SOX5: variants seen among roughly 807,000 people sequenced by gnomAD.
SOX5 encodes SRY-box transcription factor 5.
SOX5 carries 9 observed loss-of-function variants against 92.0 expected under a neutral mutation model. The observed-to-expected ratio is 0.10, with a 90% CI of 0.06 to 0.17. The LOEUF (loss-of-function observed/expected upper bound fraction) is 0.17, where lower values mean the gene tolerates loss of function less well. Among genes scored for constraint, SOX5 ranks in the 10% least tolerant of loss-of-function variants. The probability of loss-of-function intolerance (pLI) is 1.00; values close to 1 mark genes in which losing one functional copy is unlikely to be tolerated. For synonymous variants in SOX5, 344 were observed against 336.3 expected (o/e 1.02, Z -0.25); for missense variants, 642 against 944.5 (o/e 0.68, Z 4.20).
chr12:23,929,673 T>C (rs908045363), intron 1 of SOX5, among the ~76,000 whole-genome samples: 3 of 152,042 alleles, frequency 2.0e-5, no homozygotes, highest in African/African-American at 7.2e-5. Context: ...ATAGCATACA[T>C]CAATATAATC....
At chr12:24,265,824 G>T (rs1487646913) in intron 3 of SOX5, among the ~76,000 whole-genome samples, 2 of 152,090 alleles carry the variant, frequency 1.3e-5, no homozygotes, top group African/African-American at 4.8e-5. Flanking sequence ...CTCTGGTGTG[G>T]TTTCTCATGT....
chr12:23,973,020 T>A (rs774361822), intron 4 of SOX5, among the ~76,000 whole-genome samples: 15 of 152,188 alleles, frequency 9.9e-5, no homozygotes, highest in Non-Finnish European at 1.6e-4. Flanking sequence ...ACTCTGTTTA[T>A]ATGAGATTGA....
intron 3 of SOX5, among the ~76,000 whole-genome samples, chr12:23,828,110 T>A (rs1161410880): frequency 2.6e-5 from 4 of 152,216 alleles, no homozygotes; most frequent in African/African-American, 7.2e-5. Flanking sequence ...GTACCTTTTT[T>A]ATGTGTAGAT....
chr12:23,946,720 G>T (rs1009399175), intron 1 of SOX5, among the ~76,000 whole-genome samples: 7 of 151,736 alleles, frequency 4.6e-5, no homozygotes, highest in East Asian at 3.9e-4. Context: ...TCCTTTAAAC[G>T]GTAAAATGTA....
intron 7 of SOX5, among the ~76,000 whole-genome samples, chr12:23,652,992 G>A (rs1410094983): frequency 7.6e-6 from 1 of 131,734 alleles, no homozygotes; most frequent in Non-Finnish European, 1.6e-5. Context: ...ATGGATGGAT[G>A]AATGAATATG....
At chr12:24,371,322 A>C (rs1234886476) in intron 1 of SOX5, among the ~76,000 whole-genome samples, 2 of 152,080 alleles carry the variant, frequency 1.3e-5, no homozygotes, top group African/African-American at 4.8e-5. Context: ...AAACAAGTAT[A>C]AGTTCGGAGA....
At chr12:24,469,841 A>G (rs765997670) in intron 1 of SOX5, among the ~76,000 whole-genome samples, 8 of 152,220 alleles carry the variant, frequency 5.3e-5, no homozygotes, top group Admixed American at 3.9e-4. Context: ...AGTTTCCTCA[A>G]ATGAGCTTGT....
At chr12:24,314,658 G>A (rs921982394) in intron 2 of SOX5, among the ~76,000 whole-genome samples, 63 of 152,002 alleles carry the variant, frequency 4.1e-4, no homozygotes, top group African/African-American at 7.0e-4. Flanking sequence ...TGCCCTATGC[G>A]GCCTAAATAA....
At chr12:23,970,841 A>ATATTTTT in intron 4 of SOX5, among the ~76,000 whole-genome samples, 2 of 21,878 alleles carry the variant, frequency 9.1e-5, no homozygotes, top group African/African-American at 2.5e-4. Flanking sequence ...TATATATATA[A>ATATTTTT]TTTTTTTTTT....
intron 8 of SOX5, among the ~76,000 whole-genome samples, chr12:23,612,377 G>C (rs1156984203): frequency 6.6e-6 from 1 of 151,980 alleles, no homozygotes; most frequent in African/African-American, 2.4e-5. Context: ...GTTTAAGTAG[G>C]CATAAGGAAA....
chr12:23,573,234 A>T (rs1948637094), intron 10 of SOX5, among the ~76,000 whole-genome samples: 1 of 152,120 alleles, frequency 6.6e-6, no homozygotes, highest in African/African-American at 2.4e-5. Flanking sequence ...TAGCCTTCTC[A>T]AACTATTATC....
chr12:24,115,938 A>T (rs1191232774), intron 4 of SOX5, among the ~76,000 whole-genome samples: 1 of 152,202 alleles, frequency 6.6e-6, no homozygotes, highest in Admixed American at 6.5e-5. Flanking sequence ...AAGCCAAAGA[A>T]AAGGATAGGG....
chr12:24,347,461 G>A (rs1396040330), intron 2 of SOX5, among the ~76,000 whole-genome samples: 3 of 151,654 alleles, frequency 2.0e-5, no homozygotes, highest in African/African-American at 7.3e-5. Flanking sequence ...TTTGTGATGA[G>A]AACACTTAAA....
chr12:23,940,792 T>G (rs966349597), intron 1 of SOX5, among the ~76,000 whole-genome samples: 3 of 128,978 alleles, frequency 2.3e-5, no homozygotes, highest in Non-Finnish European at 5.0e-5. Flanking sequence ...ACAAACTCAT[T>G]CATTTGATAG....
chr12:24,429,510 G>C (rs573048538), intron 1 of SOX5, among the ~76,000 whole-genome samples: 1 of 151,806 alleles, frequency 6.6e-6, no homozygotes, highest in South Asian at 2.1e-4. Context: ...GGATGGGGTG[G>C]GGGAAGAAGT....
chr12:23,648,699 AG>A (rs938324236), intron 7 of SOX5, among the ~76,000 whole-genome samples: 21 of 152,232 alleles, frequency 1.4e-4, no homozygotes, highest in African/African-American at 5.1e-4. Context: ...CAGCATACAG[AG>A]CTGTGAAAAA....
At chr12:24,049,730 A>G (rs926678050) in intron 4 of SOX5, among the ~76,000 whole-genome samples, 7 of 135,698 alleles carry the variant, frequency 5.2e-5, no homozygotes, top group Non-Finnish European at 9.1e-5. Context: ...TTTATGAAGG[A>G]CCAGTTCTCT....
intron 4 of SOX5, among the ~76,000 whole-genome samples, chr12:23,982,114 C>T (rs1166940913): frequency 1.3e-5 from 2 of 152,144 alleles, no homozygotes; most frequent in Non-Finnish European, 2.9e-5. Flanking sequence ...CACGAACGAA[C>T]ATTTGAACCT....
intron 4 of SOX5, among the ~76,000 whole-genome samples, chr12:24,002,075 T>C (rs938029333): frequency 2.0e-5 from 3 of 152,140 alleles, no homozygotes; most frequent in African/African-American, 4.8e-5. Flanking sequence ...GGAAAATATA[T>C]AGCTTTAAGC....
Sources: allele counts gnomAD v4.1 joint callset (sites outside exome capture counted in the v4.1 genomes callset), GRCh38; gene constraint gnomAD v4.1.1; transcripts MANE v1.5; gene names NCBI Gene and HGNC (gene_info 2026-07-23, HGNC 2026-07-21).